Variants in GUCY2C observed in about 807,000 individuals in gnomAD.
GUCY2C encodes guanylyl cyclase C.
Under a neutral mutation model 131.1 loss-of-function variants are expected in GUCY2C, and 118 were observed. The ratio of observed to expected loss-of-function variants is 0.90; its 90% CI spans 0.78 to 1.05. GUCY2C has a LOEUF of 1.05. Ranked by LOEUF, GUCY2C falls within the 50% of genes least tolerant of loss-of-function variation. The pLI is 0.00. For missense variants in GUCY2C, 1,161 were observed against 1,304.4 expected (o/e 0.89, Z 1.69); for synonymous variants, 452 against 457.8 (o/e 0.99, Z 0.16).
At chr12:14,671,401 G>A (rs1431438577) in intron 9 of GUCY2C, among the ~76,000 whole-genome samples, 1 of 152,110 alleles carries the variant, frequency 6.6e-6, no homozygotes, top group Non-Finnish European at 1.5e-5. Context: ...GCCTCCAAAA[G>A]TGCTGGGAAT....
At chr12:14,675,955 A>G (rs893567368) in intron 7 of GUCY2C, among the ~76,000 whole-genome samples, 4 of 152,228 alleles carry the variant, frequency 2.6e-5, no homozygotes, top group Admixed American at 6.5e-5. Context: ...AAGAGGATGC[A>G]GTCCCTAATT....
At chr12:14,693,724 A>C (rs1027162530) in intron 1 of GUCY2C, among the ~76,000 whole-genome samples, 2 of 152,238 alleles carry the variant, frequency 1.3e-5, no homozygotes, top group African/African-American at 4.8e-5. Context: ...TCATCTCCAT[A>C]GAGCTCTCCA....
At chr12:14,688,659 G>C (rs1337686868) in intron 1 of GUCY2C, among the ~76,000 whole-genome samples, 1 of 152,222 alleles carries the variant, frequency 6.6e-6, no homozygotes, top group Non-Finnish European at 1.5e-5. Context: ...TCATGATACA[G>C]CATTGAACAA....
chr12:14,625,432 A>C (rs1265815055), intron 21 of GUCY2C, among the ~76,000 whole-genome samples: 1 of 148,866 alleles, frequency 6.7e-6, no homozygotes, highest in South Asian at 2.1e-4. Context: ...GGTTCACTCC[A>C]TTCTCCTGCC....
chr12:14,669,689 T>C (rs1321157025), intron 10 of GUCY2C, 33 bp downstream of exon 10: 2 of 1,048,424 alleles, frequency 1.9e-6, no homozygotes, highest in Non-Finnish European at 1.5e-6. Context: ...GAAAACAGTG[T>C]CAGGGAGAGA....
chr12:14,627,429 A>T (rs749753089), intron 20 of GUCY2C, among the ~76,000 whole-genome samples: 1 of 152,228 alleles, frequency 6.6e-6, no homozygotes, highest in Non-Finnish European at 1.5e-5. Context: ...CTAGTTGGGT[A>T]GAATGGATGT....
intron 1 of GUCY2C, among the ~76,000 whole-genome samples, chr12:14,694,207 A>G (rs1163511065): frequency 6.6e-6 from 1 of 152,212 alleles, no homozygotes; most frequent in Non-Finnish European, 1.5e-5. Flanking sequence ...AAATAAATCA[A>G]GATCTGTCAG....
chr12:14,686,204 C>T lies in GUCY2C; in HGVS notation c.352G>A (p.Val118Ile), dbSNP rs1279169726. 6.2e-7 allele frequency: 1 copy of T among 1,608,506 alleles called. No homozygotes were observed. Among genetic ancestry groups the T allele is most frequent in the Admixed American group, 1.7e-5 (1 of 59,988 alleles). Residue 118 changes from valine (V) to isoleucine (I), a missense_variant, in exon 3 of 27, where the codon GTC becomes ATC. By Grantham distance (29) the Val-to-Ile change is conservative. Coordinates refer to ENST00000261170, the MANE Select transcript of GUCY2C (RefSeq NM_004963.4). The stretch of plus-strand genomic sequence containing the variant: ...TATGTACATGAGGGCCCTATGAGGA[C>T]ACAGCCCATCCGTTGTGCATTCTGT... Reference protein sequence around the residue: ...KISNAQRMGCVLIGPSCTYST... With the variant: ...KISNAQRMGCILIGPSCTYST...
rs1205133633 is a variant in GUCY2C, at chr12:14,643,557, T to C, written c.1930+17A>G. 2 of 1,612,056 alleles carry C rather than the reference T, an allele frequency of 1.2e-6. No homozygotes were observed. Among genetic ancestry groups the C allele is most frequent in the East Asian group, 2.2e-5 (1 of 44,850 alleles). ...AAATCAGTTAGGAAACTAGTGAACA[T>C]TTCATTCATTACAGACCCTTTTTTG... On this transcript the variant is annotated intron_variant, in intron 17 of 26. Coordinates refer to ENST00000261170, the MANE Select transcript of GUCY2C (RefSeq NM_004963.4).
Position 14,623,806 on chromosome 12 carries a change from TC to T in GUCY2C, c.2409-1610del, listed in dbSNP as rs1296175251. 7.9e-5 allele frequency among the ~76,000 whole-genome samples: 12 copies of T among 152,070 alleles called. 1 individual carries two copies. Among genetic ancestry groups the T allele is most frequent in the Admixed American group, 7.9e-4 (12 of 15,266 alleles). ...CTCCCCCTTTGCTCTCTCTCTCTCTTCCTGCCATGCGAAGAAGGTGCTTGCT... is the reference window on the plus strand; with the variant it reads ...CTCCCCCTTTGCTCTCTCTCTCTCTTCTGCCATGCGAAGAAGGTGCTTGCT... On this transcript the variant is annotated intron_variant, in intron 21 of 26. Coordinates refer to ENST00000261170, the MANE Select transcript of GUCY2C (RefSeq NM_004963.4).
chr12:14,658,426 C>A (rs540658794), intron 11 of GUCY2C, among the ~76,000 whole-genome samples: 1 of 152,182 alleles, frequency 6.6e-6, no homozygotes, highest in Admixed American at 6.5e-5. Context: ...CCTATAATCC[C>A]AGTACATTGG....
chr12:14,673,242 A>C (rs1565629907), intron 8 of GUCY2C, among the ~76,000 whole-genome samples: 1 of 152,166 alleles, frequency 6.6e-6, no homozygotes, highest in South Asian at 2.1e-4. Context: ...AAGTCCCTCG[A>C]TTATTAGTGA....
chr12:14,641,749 C>G (rs1947409172), intron 17 of GUCY2C, among the ~76,000 whole-genome samples: 1 of 151,848 alleles, frequency 6.6e-6, no homozygotes, highest in Admixed American at 6.6e-5. Context: ...CCAGCCTGGC[C>G]AATATGGTGA....
At chr12:14,631,800 T>G (rs1378248892) in intron 19 of GUCY2C, among the ~76,000 whole-genome samples, 2 of 150,280 alleles carry the variant, frequency 1.3e-5, no homozygotes, top group Non-Finnish European at 3.0e-5. Context: ...CCTGAGGAAT[T>G]GCCACACTGA....
intron 24 of GUCY2C, 31 bp downstream of exon 24, chr12:14,619,180 G>C: frequency 7.7e-7 from 1 of 1,296,288 alleles, no homozygotes; most frequent in East Asian, 2.3e-5. Flanking sequence ...CAGCATCTTT[G>C]TCCTCTGAGA....
Position 14,648,604 on chromosome 12 carries a change from A to G in GUCY2C, c.1710+2803T>C, listed in dbSNP as rs143235256. Among the ~76,000 whole-genome samples the G allele has an allele frequency of 2.2e-3, 340 of 152,262 alleles. 1 individual carries two copies. In the Middle Eastern group the frequency reaches 0.031, roughly 14 times the overall value. ...AATCCTCTTTGTTTTTTTTCCCCTT[A>G]AAATCCTTTGTCTTCCTTTATCTCT... is the stretch of plus-strand genomic sequence containing the variant. On this transcript the variant is annotated intron_variant, in intron 15 of 26. Coordinates refer to ENST00000261170, the MANE Select transcript of GUCY2C (RefSeq NM_004963.4).
chr12:14,640,004 G>T, intron 18 of GUCY2C, 54 bp from the exon 19 acceptor site: 1 of 1,165,682 alleles, frequency 8.6e-7, no homozygotes, highest in Non-Finnish European at 1.3e-6. Context: ...ATGAAGAAAT[G>T]GAAGGAATTT....
In GUCY2C at chr12:14,661,038, A is replaced by G. The variant is rs1424491013; in HGVS notation, c.1307T>C (p.Val436Ala). 6.2e-7 allele frequency: 1 copy of G among 1,613,092 alleles called. No individual in the cohort carries two copies. Among genetic ancestry groups the G allele is most frequent in the South Asian group, 1.1e-5 (1 of 91,072 alleles). Reference protein sequence around the residue: ...GRGPQILMIAVFTLTGAVVLL... With the variant: ...GRGPQILMIAAFTLTGAVVLL... Reference sequence around the variant, plus strand: ...CACCACAGCTCCAGTGAGGGTGAAGACTGCAATCATCAGGATCTGAGGGCC... The same window carrying G: ...CACCACAGCTCCAGTGAGGGTGAAGGCTGCAATCATCAGGATCTGAGGGCC... Residue 436 changes from valine to alanine, a missense_variant, in exon 11 of 27, where the codon GTC becomes GCC. Val to Ala is a moderately conservative substitution (Grantham distance 64). Coordinates refer to ENST00000261170, the MANE Select transcript of GUCY2C (RefSeq NM_004963.4).
intron 12 of GUCY2C, 40 bp from the exon 13 acceptor site, chr12:14,653,054 T>C (rs1347662553): frequency 7.0e-7 from 1 of 1,434,456 alleles, no homozygotes; most frequent in Middle Eastern, 1.8e-4. Flanking sequence ...AAGCTCCATA[T>C]CTCATCCTAC....
Sources: gnomAD v4.1 joint callset for allele counts (sites outside exome capture counted in the v4.1 genomes callset) on GRCh38, gnomAD v4.1.1 for gene constraint, MANE v1.5 for transcripts, NCBI Gene and HGNC (gene_info 2026-07-23, HGNC 2026-07-21) for gene names.